Variants in ENTPD5 observed in about 807,000 individuals in gnomAD.
ENTPD5 encodes the protein ectonucleoside triphosphate diphosphohydrolase 5 (inactive).
ENTPD5 carries 49 observed loss-of-function variants against 60.2 expected under a neutral mutation model. The ratio of observed to expected loss-of-function variants is 0.81; its 90% CI spans 0.65 to 1.03. The LOEUF is 1.03. ENTPD5 is among the 50% of genes least tolerant of loss of function. The probability of loss-of-function intolerance (pLI) is 0.00; values close to 1 mark genes in which losing one functional copy is unlikely to be tolerated. For missense variants in ENTPD5, 480 were observed against 507.6 expected (o/e 0.95, Z 0.52); for synonymous variants, 187 against 185.4 (o/e 1.01, Z -0.07).
At chr14:73,990,811 GT>G (rs1379921150) in intron 3 of ENTPD5, among the ~76,000 whole-genome samples, 1 of 151,092 alleles carries the variant, frequency 6.6e-6, no homozygotes, top group African/African-American at 2.4e-5. Flanking sequence ...GGTGGATCAT[GT>G]AAGGTCAGGA....
downstream of ENTPD5, among the ~76,000 whole-genome samples, chr14:73,957,457 C>G (rs1485697276): frequency 6.6e-6 from 1 of 152,126 alleles, no homozygotes; most frequent in African/African-American, 2.4e-5. Context: ...TGTATACAGG[C>G]TGATGTTTTT....
At chr14:73,985,053 T>C (rs937774677) in intron 5 of ENTPD5, among the ~76,000 whole-genome samples, 1 of 152,180 alleles carries the variant, frequency 6.6e-6, no homozygotes, top group African/African-American at 2.4e-5. Flanking sequence ...ATACATGTCC[T>C]TACAAAGGAC....
intron 3 of ENTPD5, chr14:73,996,583 T>G (rs2058350297): frequency 6.6e-6 from 1 of 151,652 alleles, no homozygotes; most frequent in Non-Finnish European, 1.5e-5. Flanking sequence ...ATCTAATATA[T>G]ACCAGGCACT....
In ENTPD5 at chr14:74,019,252, C is replaced by T; in HGVS notation, c.-240G>A. On this transcript the variant is annotated splice_region_variant and 5_prime_UTR_variant, in exon 1 of 16. Coordinates refer to ENST00000334696, the MANE Select transcript of ENTPD5 (RefSeq NM_001249.5). ...GCCGCCGACACTCGCACACTCACCG[C>T]GCGCGCGCCACCCTTGCGCGGCAGC... 8.7e-6 allele frequency: 2 copies of T among 230,374 alleles called. No homozygotes were observed. The highest frequency in any genetic ancestry group is 1.4e-5 in the Non-Finnish European group (2 of 138,380). The allele number at this position is 230,374 out of a possible 1,614,324, so 14.3% of individuals were successfully genotyped here.
chr14:73,996,046 A>G (rs1389592435), intron 3 of ENTPD5: 1 of 656,416 alleles, frequency 1.5e-6, no homozygotes, highest in African/African-American at 2.0e-5. Flanking sequence ...CCCTTCTTCC[A>G]TGTCCCCGGA....
chr14:73,997,569 C>T (rs1403540754), intron 3 of ENTPD5, among the ~76,000 whole-genome samples: 1 of 152,092 alleles, frequency 6.6e-6, no homozygotes, highest in Non-Finnish European at 1.5e-5. Context: ...AAACAGTAAG[C>T]TGAACTATGG....
chr14:73,970,497 A>T (rs1437663841), intron 14 of ENTPD5, among the ~76,000 whole-genome samples: 2 of 152,128 alleles, frequency 1.3e-5, no homozygotes, highest in Admixed American at 6.5e-5. Flanking sequence ...GTCTCAAAAA[A>T]AAAAGGTAGG....
rs536778689 is a variant in ENTPD5, at chr14:74,003,866, G to A, written c.-71+7225C>T. Among the ~76,000 whole-genome samples the A allele has an allele frequency of 7.2e-5, 11 of 152,304 alleles. No individual in the cohort carries two copies. In the East Asian group the frequency reaches 1.9e-3, roughly 27 times the overall value. ...AAATCCCAACACTTGGGAGGCTAAG[G>A]CAGGAGGATCACTGGAGCCCAGGAG... On this transcript the variant is annotated intron_variant, in intron 3 of 15. Coordinates refer to ENST00000334696, the MANE Select transcript of ENTPD5 (RefSeq NM_001249.5).
At chr14:73,956,093 G>A (rs1467774188), downstream of ENTPD5, 4 of 896,178 alleles carry the variant, frequency 4.5e-6, no homozygotes, top group Non-Finnish European at 7.0e-6. Context: ...TGGAGGCTAA[G>A]GCGGGCGGAT....
intron 4 of ENTPD5, 111 bp from the exon 5 acceptor site, chr14:73,987,004 T>C (rs34291455): frequency 2.3e-5 from 12 of 533,032 alleles, no homozygotes; most frequent in South Asian, 3.9e-5. Flanking sequence ...CCTGAAGTTA[T>C]CCCAAATGAT....
At chr14:73,959,643 C>T (rs2056617784), downstream of ENTPD5, 6 of 1,540,008 alleles carry the variant, frequency 3.9e-6, no homozygotes, top group Non-Finnish European at 4.4e-6. Context: ...TCTTGGCTCA[C>T]TGTGCAATCT....
chr14:73,994,448 C>A (rs1450427778), intron 3 of ENTPD5, among the ~76,000 whole-genome samples: 2 of 151,126 alleles, frequency 1.3e-5, no homozygotes, highest in African/African-American at 4.9e-5. Context: ...TTTAAAATAA[C>A]TAATGTGCCA....
intron 3 of ENTPD5, among the ~76,000 whole-genome samples, chr14:74,000,651 T>A (rs144541423): frequency 0.019 from 2,806 of 151,126 alleles, 92 homozygotes; most frequent in African/African-American, 0.065. Flanking sequence ...CGTGGTGGTG[T>A]GCCTGTAATC....
At chr14:73,986,014 G>A (rs535704450) in intron 5 of ENTPD5, among the ~76,000 whole-genome samples, 8 of 148,340 alleles carry the variant, frequency 5.4e-5, no homozygotes, top group African/African-American at 1.7e-4. Context: ...AGAGGTTGTA[G>A]TAAGCCGAGA....
downstream of ENTPD5, chr14:73,958,183 G>A (rs760954348): frequency 4.3e-6 from 7 of 1,613,924 alleles, no homozygotes; most frequent in East Asian, 2.2e-5. Flanking sequence ...AAAGCCATTC[G>A]CTATACCTGG....
Position 73,970,046 on chromosome 14 carries a change from C to T in ENTPD5, c.1164G>A (p.Lys388=). The stretch of plus-strand genomic sequence containing the variant: ...TGCTGTCTGCAAAGCCAAAGCCATC[C>T]TTTAACAGGGCTGTGATGTAGCTGA... ...MDLSYITALL[K]DGFGFADSTV... is the part of the protein sequence containing the mutation. The change falls in exon 15 of 16, where the codon AAG becomes AAA. Residue 388 remains lysine (K), a synonymous_variant. Transcript: ENST00000334696. 1 of 1,613,960 alleles carries T rather than the reference C, an allele frequency of 6.2e-7. No individual in the cohort carries two copies. The highest frequency in any genetic ancestry group is 8.5e-7 in the Non-Finnish European group (1 of 1,179,864).
Position 73,974,899 on chromosome 14 carries a change from C to A in ENTPD5, c.784+25G>T, listed in dbSNP as rs765438678. The A allele has an allele frequency of 8.1e-6, 13 of 1,600,754 alleles. No homozygotes were observed. In the East Asian group the frequency reaches 1.3e-4, roughly 16 times the overall value. ...TATCTGTGTCACCCTCACCATCCCC[C>A]CCCAGCACAGGTACCCAGACAAACC... is the stretch of plus-strand genomic sequence containing the variant. On this transcript the variant is annotated intron_variant, in intron 11 of 15. Transcript: ENST00000334696.
At chr14:74,002,517 T>A (rs762928093) in intron 3 of ENTPD5, among the ~76,000 whole-genome samples, 5 of 152,186 alleles carry the variant, frequency 3.3e-5, no homozygotes, top group Non-Finnish European at 7.3e-5. Flanking sequence ...TCCTCTAGCC[T>A]CAGCCTCCTG....
At chr14:73,959,002 G>T (rs146408955), downstream of ENTPD5, 10 of 1,613,948 alleles carry the variant, frequency 6.2e-6, no homozygotes, top group East Asian at 1.1e-4. Context: ...TCCGGAGTAC[G>T]GCAGGCTGTT....
Sources: allele counts gnomAD v4.1 joint callset (sites outside exome capture counted in the v4.1 genomes callset), GRCh38; gene constraint gnomAD v4.1.1; transcripts MANE v1.5; gene names NCBI Gene and HGNC (gene_info 2026-07-23, HGNC 2026-07-21).